The following RYR2 variants were observed in gnomAD, a reference collection of about 807,000 sequenced individuals.
The protein encoded by RYR2 is cardiac muscle ryanodine receptor-calcium release channel.
Under a neutral mutation model 601.1 loss-of-function variants are expected in RYR2, and 227 were observed. The observed-to-expected ratio is 0.38, with a 90% CI of 0.34 to 0.42. The LOEUF is 0.42. Ranked by LOEUF, RYR2 falls within the 10% of genes least tolerant of loss-of-function variation. The pLI is 1.00. For missense variants in RYR2, 4,646 were observed against 6,156.5 expected (o/e 0.75, Z 8.21); for synonymous variants, 2,223 against 2,175.1 (o/e 1.02, Z -0.61).
At chr1:237,785,886 T>G in intron 90 of RYR2, 83 bp from the exon 91 acceptor site, 1 of 963,874 alleles carries the variant, frequency 1.0e-6, no homozygotes, top group Admixed American at 2.0e-5. Flanking sequence ...GGTTATGGTT[T>G]GACACATGGT....
At chr1:237,638,903 A>C in intron 45 of RYR2, 112 bp from the exon 46 acceptor site, 1 of 1,247,150 alleles carries the variant, frequency 8.0e-7, no homozygotes, top group Non-Finnish European at 1.1e-6. Context: ...TTATTAGTAT[A>C]TTGTTGGGTT....
chr1:237,199,361 G>A (rs1348254010), intron 1 of RYR2, among the ~76,000 whole-genome samples: 1 of 152,218 alleles, frequency 6.6e-6, no homozygotes, highest in African/African-American at 2.4e-5. Flanking sequence ...GTCTGTGGCC[G>A]AAGGCCCAAG....
At chr1:237,709,923 C>A (rs1573619218) in intron 70 of RYR2, among the ~76,000 whole-genome samples, 1 of 152,156 alleles carries the variant, frequency 6.6e-6, no homozygotes, top group African/African-American at 2.4e-5. Flanking sequence ...CCAACAATAA[C>A]CCACACTCAT....
chr1:237,605,466 A>G (rs1322367753), intron 35 of RYR2, among the ~76,000 whole-genome samples: 1 of 152,218 alleles, frequency 6.6e-6, no homozygotes, highest in East Asian at 1.9e-4. Flanking sequence ...AGCCAATATC[A>G]TACTGAATGG....
At chr1:237,073,432 C>T (rs866214874) in intron 1 of RYR2, among the ~76,000 whole-genome samples, 2 of 152,074 alleles carry the variant, frequency 1.3e-5, no homozygotes, top group Non-Finnish European at 2.9e-5. Flanking sequence ...TTCAGAGCCC[C>T]GCTGTCCAGT....
In RYR2 at chr1:237,195,341, C is replaced by T. The variant is rs992088730; in HGVS notation, c.49-75156C>T. Among the ~76,000 whole-genome samples, 14 of 152,116 alleles carry T rather than the reference C, an allele frequency of 9.2e-5. 1 individual carries two copies. The highest frequency in any genetic ancestry group is 9.2e-4 in the Admixed American group (14 of 15,266). ...TGATCTCGGTTCACCACAACATCCGCCTCCCACGTTCAAGTGATTCTCCTG... is the reference window on the plus strand; with the variant it reads ...TGATCTCGGTTCACCACAACATCCGTCTCCCACGTTCAAGTGATTCTCCTG... On this transcript the variant is annotated intron_variant, in intron 1 of 104. Transcript: ENST00000366574.
chr1:237,434,784 T>C (rs1457544331), intron 12 of RYR2, among the ~76,000 whole-genome samples: 2 of 151,950 alleles, frequency 1.3e-5, no homozygotes, highest in South Asian at 4.2e-4. Context: ...ATATAAAACT[T>C]TTTTTTTGAG....
intron 2 of RYR2, among the ~76,000 whole-genome samples, chr1:237,306,100 A>G (rs1045694047): frequency 6.6e-6 from 1 of 152,214 alleles, no homozygotes; most frequent in Non-Finnish European, 1.5e-5. Context: ...TTGTATATAG[A>G]TAAGGAAATG....
At chr1:237,290,049 G>T (rs1692037498) in intron 2 of RYR2, among the ~76,000 whole-genome samples, 1 of 152,168 alleles carries the variant, frequency 6.6e-6, no homozygotes, top group Admixed American at 6.5e-5. Context: ...TTACCCAAGA[G>T]TTATTTGTCC....
chr1:237,205,301 G>A lies in RYR2; in HGVS notation c.49-65196G>A, dbSNP rs148408531. On this transcript the variant is annotated intron_variant, in intron 1 of 104. Coordinates refer to ENST00000366574, the MANE Select transcript of RYR2 (RefSeq NM_001035.3). Reference sequence around the variant, plus strand: ...TTGTGGCCCACAGGTGACTGGCAAGGGGAGGCAGAGCTGTAGAGCCCTTGG... The same window carrying A: ...TTGTGGCCCACAGGTGACTGGCAAGAGGAGGCAGAGCTGTAGAGCCCTTGG... 2.3e-3 allele frequency among the ~76,000 whole-genome samples: 344 copies of A among 152,304 alleles called. 1 individual carries two copies. Among genetic ancestry groups the A allele is most frequent in the African/African-American group, 7.9e-3 (330 of 41,574 alleles).
At chr1:237,653,340 A>G (rs2148813914) in intron 51 of RYR2, among the ~76,000 whole-genome samples, 1 of 152,298 alleles carries the variant, frequency 6.6e-6, no homozygotes, top group Non-Finnish European at 1.5e-5. Flanking sequence ...TAGTTCCTTT[A>G]TTGTGCTTCT....
intron 96 of RYR2, among the ~76,000 whole-genome samples, chr1:237,795,980 GTATA>G (rs1659174529): frequency 2.0e-5 from 3 of 147,014 alleles, no homozygotes; most frequent in African/African-American, 7.5e-5. Flanking sequence ...ATGTATATAT[GTATA>G]TACATATATA....
intron 100 of RYR2, among the ~76,000 whole-genome samples, chr1:237,810,096 C>G (rs185508244): frequency 1.3e-3 from 194 of 151,990 alleles, no homozygotes; most frequent in African/African-American, 4.6e-3. Context: ...TAGTAATACT[C>G]ATTTTTACAT....
intron 1 of RYR2, among the ~76,000 whole-genome samples, chr1:237,170,461 C>G (rs917241661): frequency 6.6e-6 from 1 of 152,194 alleles, no homozygotes; most frequent in African/African-American, 2.4e-5. Flanking sequence ...CCTCCTCCGT[C>G]TCTGCCAGGT....
At chr1:237,069,646 C>T (rs1460037680) in intron 1 of RYR2, among the ~76,000 whole-genome samples, 1 of 152,006 alleles carries the variant, frequency 6.6e-6, no homozygotes, top group African/African-American at 2.4e-5. Flanking sequence ...TAGTGAAGTA[C>T]TGAATTATTA....
chr1:237,473,427 C>CTTTCTTTCTTTCTTTCTTTCTT (rs1553464621), intron 17 of RYR2, among the ~76,000 whole-genome samples: 22 of 102,550 alleles, frequency 2.1e-4, no homozygotes, highest in African/African-American at 7.1e-4. Context: ...CCATCTCTCT[C>CTTTCTTTCTTTCTTTCTTTCTT]TCTCTCTTTC....
intron 4 of RYR2, among the ~76,000 whole-genome samples, chr1:237,357,375 A>G (rs536650142): frequency 2.0e-5 from 3 of 152,286 alleles, no homozygotes; most frequent in East Asian, 3.9e-4. Context: ...ATCCTACAAC[A>G]TAGCCCTCTG....
At chr1:237,699,306 G>A (rs531869264) in intron 64 of RYR2, among the ~76,000 whole-genome samples, 2 of 152,252 alleles carry the variant, frequency 1.3e-5, no homozygotes, top group African/African-American at 4.8e-5. Flanking sequence ...ATGGTAATCT[G>A]ACAACTCTAG....
rs1401817729 is a variant in RYR2, at chr1:237,269,042, C to T, written c.49-1455C>T. ...ACCTTTCCAATTTATATAGCATATTCTTTTTTTTTTTTTTTGTGAGACAGA... is the reference window on the plus strand; with the variant it reads ...ACCTTTCCAATTTATATAGCATATTTTTTTTTTTTTTTTTTGTGAGACAGA... On this transcript the variant is annotated intron_variant, in intron 1 of 104. Coordinates refer to ENST00000366574, the MANE Select transcript of RYR2 (RefSeq NM_001035.3). 1.6e-4 allele frequency among the ~76,000 whole-genome samples: 18 copies of T among 113,214 alleles called. 1 individual carries two copies. Among genetic ancestry groups the T allele is most frequent in the African/African-American group, 5.1e-4 (14 of 27,306 alleles). The allele number at this position is 113,214 out of a possible 152,430, so 74.3% of individuals were successfully genotyped here. A position where few individuals can be genotyped will look rare whatever the true frequency, so the allele number is the denominator to read the frequency against.
Sources: gnomAD v4.1 joint callset for allele counts (sites outside exome capture counted in the v4.1 genomes callset) on GRCh38, gnomAD v4.1.1 for gene constraint, MANE v1.5 for transcripts, NCBI Gene and HGNC (gene_info 2026-07-23, HGNC 2026-07-21) for gene names.